STYXL2: variants seen among roughly 807,000 people sequenced by gnomAD.
The protein encoded by STYXL2 is serine/threonine/tyrosine interacting like 2, also known as serine/threonine/tyrosine-interacting-like protein 2.
In STYXL2, 44 loss-of-function variants were observed where a neutral mutation model predicts 52.4. That is an observed-to-expected ratio of 0.84 (90% CI 0.66 to 1.08). STYXL2 has a LOEUF of 1.08. Among genes scored for constraint, STYXL2 ranks in the 50% least tolerant of loss-of-function variants. The pLI, the probability that STYXL2 is intolerant of heterozygous loss-of-function variation, is 0.00. For synonymous variants in STYXL2, 604 were observed against 586.9 expected, an observed-to-expected ratio of 1.03 and a Z score of -0.42; for missense variants, 1,604 against 1,471.7, an observed-to-expected ratio of 1.09 and a Z score of -1.47.
At chr1:167,125,548 G>C (rs574226749) in intron 5 of STYXL2, among the ~76,000 whole-genome samples, 1 of 152,312 alleles carries the variant, frequency 6.6e-6, no homozygotes, top group South Asian at 2.1e-4. Context: ...GGAGAAAGTA[G>C]AAATGCACTC....
rs577323743 is a variant in STYXL2, at chr1:167,123,495, A to T, written c.656-2292A>T. Among the ~76,000 whole-genome samples, 3 of 152,366 alleles carry T rather than the reference A, an allele frequency of 2.0e-5. No homozygotes were observed. In the East Asian group the frequency reaches 5.8e-4, roughly 29 times the overall value. On this transcript the variant is annotated intron_variant, in intron 5 of 5. Transcript: ENST00000361200. The stretch of plus-strand genomic sequence containing the variant: ...CCAGTGAGACTTAGAGACTAGCCAC[A>T]GTATATGGTAGCCTGGTCAGAGGGT...
rs377231056 is a variant in STYXL2 at position 167,128,654 on chromosome 1, A to G, written c.*46A>G. The G allele has an allele frequency of 3.6e-5, 57 of 1,565,268 alleles. No individual in the cohort carries two copies. The highest frequency in any genetic ancestry group is 4.4e-5 in the Non-Finnish European group (51 of 1,162,758). ...ACTGAAAGAAACCACTCACGTTAGCATAGGGCTCAGGGCACACGTTGCCAC... is the reference window on the plus strand; with the variant it reads ...ACTGAAAGAAACCACTCACGTTAGCGTAGGGCTCAGGGCACACGTTGCCAC... On this transcript the variant is annotated 3_prime_UTR_variant, in exon 6 of 6. Transcript: ENST00000361200.
intron 3 of STYXL2, among the ~76,000 whole-genome samples, chr1:167,114,203 C>T (rs1667677979): frequency 6.6e-6 from 1 of 152,098 alleles, no homozygotes; most frequent in Admixed American, 6.5e-5. Flanking sequence ...CTTAAAGATG[C>T]TTCAAACTGA....
chr1:167,101,610 C>G (rs546338946), intron 2 of STYXL2, among the ~76,000 whole-genome samples: 1 of 152,150 alleles, frequency 6.6e-6, no homozygotes, highest in South Asian at 2.1e-4. Flanking sequence ...TTGAGACCAG[C>G]CTGTCCAACA....
rs754088991 is a variant in STYXL2 at position 167,113,696 on chromosome 1, T to A, written c.111-14T>A. 50 of 1,594,308 alleles carry A rather than the reference T, an allele frequency of 3.1e-5. No homozygotes were observed. The highest frequency in any genetic ancestry group is 4.0e-5 in the Non-Finnish European group (47 of 1,162,020). On this transcript the variant is annotated splice_polypyrimidine_tract_variant and intron_variant, in intron 2 of 5. Transcript: ENST00000361200. ...GCTACAGGCTTATCTCACGTGAATATCCTCTTCCCTTAGGTATTCGATGGT... is the reference window on the plus strand; with the variant it reads ...GCTACAGGCTTATCTCACGTGAATAACCTCTTCCCTTAGGTATTCGATGGT...
At position 167,127,763 on chromosome 1, in the gene STYXL2, G is replaced by A; in HGVS notation, c.2632G>A (p.Glu878Lys). 1 of 1,614,048 alleles carries A rather than the reference G, an allele frequency of 6.2e-7. No homozygotes were observed. Among genetic ancestry groups the A allele is most frequent in the Non-Finnish European group, 8.5e-7 (1 of 1,180,002 alleles). ...CAAGAAGAAGAAGGTCAAGGAAGAT[G>A]AGGATGATGGTGTGGGTGATGGGGA... is the stretch of plus-strand genomic sequence containing the variant. ...LFKKKKVKEDEDDGVGDGDED... is the reference protein window; with the variant it reads ...LFKKKKVKEDKDDGVGDGDED... The change falls in exon 6 of 6, where the codon GAG becomes AAG. Residue 878 changes from glutamate to lysine, a missense_variant. Transcript: ENST00000361200.
intron 5 of STYXL2, among the ~76,000 whole-genome samples, chr1:167,120,885 T>C (rs796773409): frequency 0.2 from 20,795 of 101,504 alleles, 2,806 homozygotes; most frequent in Middle Eastern, 0.3. Flanking sequence ...TATATATATA[T>C]ACAGAGAGAG....
In STYXL2 at chr1:167,126,433, G is replaced by A. The variant is rs1667968245; in HGVS notation, c.1302G>A (p.Leu434=). ...GSSVGRRRRT[L]SESSAWESVS... Reference sequence around the variant, plus strand: ...CGGTGGGGAGGCGGCGGCGCACCCTGAGCGAGAGCAGCGCCTGGGAGAGCG... The same window carrying A: ...CGGTGGGGAGGCGGCGGCGCACCCTAAGCGAGAGCAGCGCCTGGGAGAGCG... Residue 434 remains leucine, a synonymous_variant, in exon 6 of 6, where the codon CTG becomes CTA. Transcript: ENST00000361200. 1 of 1,570,438 alleles carries A rather than the reference G, an allele frequency of 6.4e-7. No homozygotes were observed. The highest frequency in any genetic ancestry group is 1.4e-5 in the African/African-American group (1 of 74,004).
At chr1:167,107,686 C>A (rs1358479518) in intron 2 of STYXL2, among the ~76,000 whole-genome samples, 2 of 152,060 alleles carry the variant, frequency 1.3e-5, no homozygotes, top group African/African-American at 4.8e-5. Flanking sequence ...TTACTGTGTG[C>A]CAGACATTCT....
At position 167,127,059 on chromosome 1, in the gene STYXL2, T is replaced by C. The variant is rs1667989694; in HGVS notation, c.1928T>C (p.Met643Thr). The C allele has an allele frequency of 6.2e-7, 1 of 1,612,058 alleles. No individual in the cohort carries two copies. Among genetic ancestry groups the C allele is most frequent in the Non-Finnish European group, 8.5e-7 (1 of 1,178,736 alleles). ...CAGACGCTGGAGGAGAGCCAGTCTA[T>C]GGCAAGCTGGGAGGCGGACAGCTCC... ...SRQTLEESQS[M>T]ASWEADSSTA... The change falls in exon 6 of 6, where the codon ATG becomes ACG. Residue 643 changes from methionine to threonine, a missense_variant. Physicochemically the swap from Met to Thr is moderately conservative, Grantham distance 81. Transcript: ENST00000361200.
At position 167,094,191 on chromosome 1, in the gene STYXL2, A is replaced by G. The variant is rs1667229372; in HGVS notation, c.-20A>G. 2 of 152,530 alleles carry G rather than the reference A, an allele frequency of 1.3e-5. No individual in the cohort carries two copies. The highest frequency in any genetic ancestry group is 4.8e-5 in the African/African-American group (2 of 41,454). 9.4% of individuals were successfully genotyped at this position (152,530 alleles called of 1,614,324 possible). On this transcript the variant is annotated 5_prime_UTR_variant, in exon 1 of 6. Transcript: ENST00000361200. ...TTGGTGGGGAACATCCAGGCAGGTT[A>G]GAGGTGAGTGTGCTTCTCCCCTTGT...
intron 2 of STYXL2, 136 bp downstream of exon 2, chr1:167,095,095 G>A (rs1667255568): frequency 1.6e-6 from 1 of 643,014 alleles, no homozygotes; most frequent in Non-Finnish European, 2.8e-6. Context: ...GTACTTGTAT[G>A]TGTCCTACTT....
At chr1:167,115,343 A>T (rs764587656) in intron 3 of STYXL2, among the ~76,000 whole-genome samples, 3 of 152,154 alleles carry the variant, frequency 2.0e-5, no homozygotes, top group Non-Finnish European at 4.4e-5. Flanking sequence ...CACATCCGAG[A>T]GTGTAGGGGA....
At position 167,128,838 on chromosome 1, in the gene STYXL2, ACCATTT is replaced by A; in HGVS notation, c.*231_*236del. ...GAGGTCCGAATGCGGACCAACTGAT[ACCATTT>A]TCTGTTGCTCAGCGCCCTCTAAGCT... is the stretch of plus-strand genomic sequence containing the variant. On this transcript the variant is annotated 3_prime_UTR_variant, in exon 6 of 6. Transcript: ENST00000361200. 1 of 595,306 alleles carries A rather than the reference ACCATTT, an allele frequency of 1.7e-6. No individual in the cohort carries two copies. The highest frequency in any genetic ancestry group is 3.4e-5 in the Admixed American group (1 of 29,064). 36.9% of individuals were successfully genotyped at this position (595,306 alleles called of 1,614,324 possible).
chr1:167,105,955 G>A (rs770217355), intron 2 of STYXL2, among the ~76,000 whole-genome samples: 96 of 152,108 alleles, frequency 6.3e-4, no homozygotes, highest in Non-Finnish European at 1.1e-3. Flanking sequence ...AGAGTATACC[G>A]GGTAGGCTCT....
intron 5 of STYXL2, among the ~76,000 whole-genome samples, chr1:167,121,152 A>C (rs1229208548): frequency 6.6e-6 from 1 of 151,632 alleles, no homozygotes; most frequent in Non-Finnish European, 1.5e-5. Context: ...AGCTGGGATT[A>C]CAGACTCCCA....
chr1:167,121,443 C>A (rs1667856071), intron 5 of STYXL2, among the ~76,000 whole-genome samples: 1 of 152,262 alleles, frequency 6.6e-6, no homozygotes, highest in Non-Finnish European at 1.5e-5. Context: ...GACCTCGAGG[C>A]GGAGCGGGTA....
At position 167,127,683 on chromosome 1, in the gene STYXL2, T is replaced by C. The variant is rs749349145; in HGVS notation, c.2552T>C (p.Met851Thr). Residue 851 changes from methionine to threonine, a missense_variant, in exon 6 of 6, where the codon ATG (methionine) becomes ACG (threonine). Met to Thr is a moderately conservative substitution (Grantham distance 81, BLOSUM62 -1). Coordinates refer to ENST00000361200, the MANE Select transcript of STYXL2 (RefSeq NM_001080426.3). ...KEMQMELREK[M>T]SEYKMEKLAS... is the part of the protein sequence containing the mutation. The stretch of plus-strand genomic sequence containing the variant: ...ATGCAGATGGAGCTTAGGGAGAAGA[T>C]GTCTGAGTACAAAATGGAAAAGCTG... 3.1e-6 allele frequency: 5 copies of C among 1,614,074 alleles called. No individual in the cohort carries two copies. Among genetic ancestry groups the C allele is most frequent in the Admixed American group, 1.7e-5 (1 of 60,014 alleles).
intron 2 of STYXL2, among the ~76,000 whole-genome samples, chr1:167,110,080 A>G (rs1237094569): frequency 6.6e-6 from 1 of 152,212 alleles, no homozygotes; most frequent in East Asian, 1.9e-4. Context: ...ACAAGCCTGA[A>G]GCCCTGGTGG....
Sources: gnomAD v4.1 joint callset for allele counts (sites outside exome capture counted in the v4.1 genomes callset) on GRCh38, gnomAD v4.1.1 for gene constraint, MANE v1.5 for transcripts, NCBI Gene and HGNC (gene_info 2026-07-23, HGNC 2026-07-21) for gene names.